The following DPYD variants were observed in gnomAD, a reference collection of about 807,000 sequenced individuals.
DPYD encodes dihydropyrimidine dehydrogenase [NADP(+)].
In DPYD, 109 loss-of-function variants were observed where a neutral mutation model predicts 116.2. The observed-to-expected ratio is 0.94, with a 90% confidence interval of 0.80 to 1.10. The LOEUF (loss-of-function observed/expected upper bound fraction) is 1.10. DPYD is among the 50% of genes least tolerant of loss of function. The pLI, the probability that DPYD is intolerant of heterozygous loss-of-function variation, is 0.00. For missense variants in DPYD, 1,302 were observed against 1,254.5 expected (o/e 1.04, Z -0.57); for synonymous variants, 440 against 432.0 (o/e 1.02, Z -0.23).
chr1:97,288,156 C>A (rs1184910863), intron 18 of DPYD, among the ~76,000 whole-genome samples: 5 of 151,292 alleles, frequency 3.3e-5, no homozygotes, highest in Non-Finnish European at 7.4e-5. Context: ...TATATATGCA[C>A]CCAGTACAGG....
At position 97,322,331 on chromosome 1, in the gene DPYD, C is replaced by A. The variant is rs998891195; in HGVS notation, c.2059-16034G>T. 2.8e-5 allele frequency among the ~76,000 whole-genome samples: 4 copies of A among 142,602 alleles called. No homozygotes were observed. In the South Asian group the frequency reaches 9.5e-4, roughly 34 times the overall value. The allele number at this position is 142,602 out of a possible 152,430, so 93.6% of individuals were successfully genotyped here. On this transcript the variant is annotated intron_variant, in intron 16 of 22. Coordinates refer to ENST00000370192, the MANE Select transcript of DPYD (RefSeq NM_000110.4). Reference sequence around the variant, plus strand: ...TAGGAGCTGGAAAGAAATATCTAGGCCATTTTGTTTGTTTGTTTGTTTGCT... The same window carrying A: ...TAGGAGCTGGAAAGAAATATCTAGGACATTTTGTTTGTTTGTTTGTTTGCT...
intron 13 of DPYD, among the ~76,000 whole-genome samples, chr1:97,453,119 T>C (rs896041111): frequency 6.6e-6 from 1 of 152,126 alleles, no homozygotes; most frequent in Non-Finnish European, 1.5e-5. Context: ...CCCACTGCTA[T>C]AGGCCTTCTC....
chr1:97,252,497 C>T (rs1318710230), intron 18 of DPYD, among the ~76,000 whole-genome samples: 1 of 152,110 alleles, frequency 6.6e-6, no homozygotes, highest in Non-Finnish European at 1.5e-5. Flanking sequence ...CGTCCAAATG[C>T]TTAAATTGTG....
chr1:97,719,753 T>C, intron 5 of DPYD: 1 of 985,104 alleles, frequency 1.0e-6, no homozygotes, highest in Non-Finnish European at 1.2e-6. Context: ...GACAAAAAGC[T>C]TTTCTCAGTA....
At chr1:97,451,131 C>A (rs1034812864) in intron 13 of DPYD, among the ~76,000 whole-genome samples, 2 of 152,082 alleles carry the variant, frequency 1.3e-5, no homozygotes, top group Non-Finnish European at 2.9e-5. Context: ...TAGTATATAG[C>A]AATTAAGGTC....
intron 12 of DPYD, among the ~76,000 whole-genome samples, chr1:97,539,754 C>T (rs922915565): frequency 6.6e-6 from 1 of 152,152 alleles, no homozygotes; most frequent in East Asian, 1.9e-4. Flanking sequence ...AGCTCCTTCT[C>T]AGGACTACCA....
intron 21 of DPYD, among the ~76,000 whole-genome samples, chr1:97,091,584 A>G (rs1208570993): frequency 6.6e-6 from 1 of 152,232 alleles, no homozygotes; most frequent in Non-Finnish European, 1.5e-5. Flanking sequence ...CTGAAAAATC[A>G]CACAGCCACA....
chr1:97,155,249 A>C (rs545089527), intron 20 of DPYD, among the ~76,000 whole-genome samples: 2 of 152,332 alleles, frequency 1.3e-5, no homozygotes, highest in Non-Finnish European at 2.9e-5. Context: ...CATGCCTCCT[A>C]AAATCAAAGG....
At chr1:97,152,698 G>T (rs1436626221) in intron 20 of DPYD, among the ~76,000 whole-genome samples, 1 of 150,654 alleles carries the variant, frequency 6.6e-6, no homozygotes, top group Non-Finnish European at 1.5e-5. Context: ...CTAATATATT[G>T]ATATATATAA....
chr1:97,476,407 T>G (rs1677963730), intron 13 of DPYD, among the ~76,000 whole-genome samples: 2 of 152,144 alleles, frequency 1.3e-5, no homozygotes. Context: ...TCACAAAGTA[T>G]AAATTTATAT....
intron 8 of DPYD, among the ~76,000 whole-genome samples, chr1:97,629,562 A>C (rs1371189653): frequency 6.6e-6 from 1 of 151,984 alleles, no homozygotes; most frequent in Non-Finnish European, 1.5e-5. Context: ...AGATATAGCC[A>C]TATTTTATCA....
intron 20 of DPYD, among the ~76,000 whole-genome samples, chr1:97,152,250 T>A (rs1404825157): frequency 6.6e-6 from 1 of 152,196 alleles, no homozygotes; most frequent in Non-Finnish European, 1.5e-5. Flanking sequence ...GGCTAATTTA[T>A]TTCCTGGTTT....
At chr1:97,666,565 T>C (rs1414289385) in intron 8 of DPYD, among the ~76,000 whole-genome samples, 1 of 152,160 alleles carries the variant, frequency 6.6e-6, no homozygotes, top group Non-Finnish European at 1.5e-5. Flanking sequence ...GACAAAACAC[T>C]ACACTTTAGA....
chr1:97,759,716 A>C (rs1420642871), intron 3 of DPYD, among the ~76,000 whole-genome samples: 1 of 152,116 alleles, frequency 6.6e-6, no homozygotes, highest in African/African-American at 2.4e-5. Context: ...TCCTAAATTG[A>C]TATACTGTTA....
intron 5 of DPYD, among the ~76,000 whole-genome samples, chr1:97,711,712 T>C (rs1348782577): frequency 6.6e-6 from 1 of 151,844 alleles, no homozygotes; most frequent in Admixed American, 6.6e-5. Context: ...TATGTTGTCA[T>C]GTGTATAAAT....
At chr1:97,670,002 A>G (rs1022203917) in intron 8 of DPYD, among the ~76,000 whole-genome samples, 2 of 152,116 alleles carry the variant, frequency 1.3e-5, no homozygotes, top group Non-Finnish European at 2.9e-5. Context: ...CCAACAGTAC[A>G]TCTCCTAGCT....
intron 18 of DPYD, among the ~76,000 whole-genome samples, chr1:97,255,977 C>T (rs1243071745): frequency 6.6e-6 from 1 of 152,066 alleles, no homozygotes; most frequent in East Asian, 1.9e-4. Context: ...CCTTTATAAA[C>T]AAGATCTCCT....
At chr1:97,723,270 T>C (rs911537699) in intron 4 of DPYD, among the ~76,000 whole-genome samples, 1 of 151,546 alleles carries the variant, frequency 6.6e-6, no homozygotes, top group Non-Finnish European at 1.5e-5. Context: ...GAATGTGGTA[T>C]GAAATTAAAC....
At chr1:97,498,639 A>T (rs77944334) in intron 13 of DPYD, among the ~76,000 whole-genome samples, 12,742 of 151,722 alleles carry the variant, frequency 0.084, 654 homozygotes, top group South Asian at 0.1. Context: ...GCTACATTTT[A>T]AAAATTATTT....
Sources: gnomAD v4.1 joint callset for allele counts (sites outside exome capture counted in the v4.1 genomes callset) on GRCh38, gnomAD v4.1.1 for gene constraint, MANE v1.5 for transcripts, NCBI Gene and HGNC (gene_info 2026-07-23, HGNC 2026-07-21) for gene names.